The following MROH9 variants were observed in gnomAD, a reference collection of about 807,000 sequenced individuals.
MROH9 encodes maestro heat like repeat family member 9, also known as maestro heat-like repeat-containing protein family member 9.
In MROH9, 92 loss-of-function variants were observed where a neutral mutation model predicts 98.2. That is an observed-to-expected ratio of 0.94 (90% CI 0.79 to 1.11). The LOEUF is 1.11. Among genes scored for constraint, MROH9 ranks in the 50% most tolerant of loss-of-function variants. The pLI, the probability that MROH9 is intolerant of heterozygous loss-of-function variation, is 0.00. For synonymous variants in MROH9, 397 were observed against 368.9 expected (o/e 1.08, Z -0.87); for missense variants, 1,057 against 1,014.8 (o/e 1.04, Z -0.57).
intron 20 of MROH9, 127 bp from the exon 21 acceptor site, chr1:171,062,005 A>G (rs1026136915): frequency 3.2e-6 from 2 of 631,606 alleles, no homozygotes; most frequent in African/African-American, 1.9e-5. Context: ...AAAGTACTAA[A>G]AGATGACTCA....
chr1:171,004,667 T>C (rs1165867001), intron 15 of MROH9, among the ~76,000 whole-genome samples: 2 of 152,158 alleles, frequency 1.3e-5, no homozygotes, highest in East Asian at 1.9e-4. Flanking sequence ...CCTCTCAGGA[T>C]TGCTGGTTTG....
chr1:170,964,110 G>C (rs746325870), intron 6 of MROH9, among the ~76,000 whole-genome samples: 2 of 151,830 alleles, frequency 1.3e-5, no homozygotes, highest in African/African-American at 2.4e-5. Context: ...TGAATATGTG[G>C]GTTATCTCAT....
chr1:171,049,712 G>GTC (rs1200471734), intron 20 of MROH9, among the ~76,000 whole-genome samples: 1 of 149,574 alleles, frequency 6.7e-6, no homozygotes, highest in Non-Finnish European at 1.5e-5. Context: ...TTGAGACATG[G>GTC]TCTCCTCTGT....
At chr1:171,013,063 GGCCTTTGC>G in intron 15 of MROH9, among the ~76,000 whole-genome samples, 1 of 151,786 alleles carries the variant, frequency 6.6e-6, no homozygotes, top group Non-Finnish European at 1.5e-5. Flanking sequence ...TATTCCTCAG[GGCCTTTGC>G]ACATGGTTCA....
chr1:170,946,244 A>G (rs1288145710), intron 2 of MROH9, among the ~76,000 whole-genome samples: 1 of 152,010 alleles, frequency 6.6e-6, no homozygotes, highest in Non-Finnish European at 1.5e-5. Flanking sequence ...TCACTCTGTA[A>G]TATTTTTTCC....
Position 171,016,225 on chromosome 1 carries a change from T to C in MROH9, c.1797T>C (p.Asn599=). 6.5e-7 allele frequency: 1 copy of C among 1,540,862 alleles called. No homozygotes were observed. Residue 599 remains asparagine, a synonymous_variant, in exon 17 of 22, where the codon AAT becomes AAC. Transcript: ENST00000367759. ...ATGCCTTCCTTTCCAAAGACGATAA[T>C]GTTGTACTTCAGGCCTTGCTCACCC... The part of the protein sequence containing the change: ...ILDAFLSKDD[N]VVLQALLTLR...
intron 21 of MROH9, among the ~76,000 whole-genome samples, chr1:171,063,755 T>A (rs1654081725): frequency 6.6e-6 from 1 of 152,248 alleles, no homozygotes; most frequent in South Asian, 2.1e-4. Flanking sequence ...ACATTGAGAC[T>A]GATTTTAACT....
intron 17 of MROH9, 92 bp from the exon 18 acceptor site, chr1:171,024,303 G>GGT (rs3077629): frequency 0.48 from 322,069 of 665,040 alleles, 34,915 homozygotes; most frequent in East Asian, 0.55. Context: ...ATTTATATGG[G>GGT]GTGTGTGTGT....
intron 1 of MROH9, among the ~76,000 whole-genome samples, chr1:170,937,377 T>C (rs1306991903): frequency 6.6e-6 from 1 of 152,120 alleles, no homozygotes; most frequent in Non-Finnish European, 1.5e-5. Flanking sequence ...TTGTATTATG[T>C]GATAAGAGAA....
Position 170,959,526 on chromosome 1 carries a change from C to T in MROH9, c.217C>T (p.Leu73=), listed in dbSNP as rs1357504633. Residue 73 remains leucine (L), a synonymous_variant, in exon 5 of 22, where the codon CTA becomes TTA. Transcript: ENST00000367759. The stretch of plus-strand genomic sequence containing the variant: ...GATAATAGAGTCATCCTTTGGAATG[C>T]TAGTTGTCATGCCAAGTCTTGACAA... ...LKIIESSFGM[L]VVMPSLDKVK... The T allele has an allele frequency of 6.2e-7, 1 of 1,613,354 alleles. No individual in the cohort carries two copies. The highest frequency in any genetic ancestry group is 8.5e-7 in the Non-Finnish European group (1 of 1,179,514).
At chr1:171,041,348 T>TGC (rs1653292285) in intron 20 of MROH9, among the ~76,000 whole-genome samples, 1 of 4,880 alleles carries the variant, frequency 2.0e-4, no homozygotes, top group African/African-American at 3.4e-3. Flanking sequence ...TATTCCATGA[T>TGC]GTGTGTGTGT....
intron 1 of MROH9, among the ~76,000 whole-genome samples, chr1:170,936,436 T>C (rs1047754433): frequency 2.0e-5 from 3 of 152,192 alleles, no homozygotes; most frequent in African/African-American, 7.2e-5. Context: ...ATTCAGGCCC[T>C]CAATGGATTG....
chr1:171,044,591 C>A (rs555299792), intron 20 of MROH9, among the ~76,000 whole-genome samples: 115 of 152,222 alleles, frequency 7.6e-4, no homozygotes, highest in Middle Eastern at 3.4e-3. Context: ...CCATCAGGTT[C>A]TGGGCTTTTC....
In MROH9 at chr1:170,983,421, G is replaced by T. The variant is rs761520213; in HGVS notation, c.617-1G>T. The stretch of plus-strand genomic sequence containing the variant: ...TGAAACTCTTTTTCTTAACAAAGCA[G>T]ATATTGGAACAAATAAGCCTACAAA... On this transcript the variant is annotated splice_acceptor_variant, in intron 8 of 21. Transcript: ENST00000367759. LOFTEE classifies it high-confidence loss of function. 4.6e-5 allele frequency: 73 copies of T among 1,592,808 alleles called. No individual in the cohort carries two copies. The highest frequency in any genetic ancestry group is 6.1e-5 in the Non-Finnish European group (71 of 1,163,020).
intron 20 of MROH9, among the ~76,000 whole-genome samples, chr1:171,039,893 C>T (rs577546088): frequency 2.0e-5 from 3 of 152,166 alleles, no homozygotes; most frequent in Admixed American, 1.3e-4. Context: ...GTATCTTGAG[C>T]TTTACTGCCA....
Position 170,995,528 on chromosome 1 carries a change from C to T in MROH9, c.1334C>T (p.Ala445Val). 1 of 1,612,970 alleles carries T rather than the reference C, an allele frequency of 6.2e-7. No homozygotes were observed. The highest frequency in any genetic ancestry group is 8.5e-7 in the Non-Finnish European group (1 of 1,179,294). ...SELKPILKDR[A>V]LYAQDALRVL... ...CTGAAACCGATACTCAAGGACAGGG[C>T]TTTGTGAGTTAAAACTGGTTATTTC... The change falls in exon 13 of 22, where the codon GCT (alanine) becomes GTT (valine). Residue 445 changes from alanine (A) to valine (V), a missense_variant. By Grantham distance (64) the Ala-to-Val change is moderately conservative. Coordinates refer to ENST00000367759, the MANE Select transcript of MROH9 (RefSeq NM_001163629.2).
intron 13 of MROH9, among the ~76,000 whole-genome samples, chr1:170,996,171 T>A (rs1001214907): frequency 6.6e-6 from 1 of 152,162 alleles, no homozygotes; most frequent in African/African-American, 2.4e-5. Flanking sequence ...ATATATCCTA[T>A]TCATTTAATA....
At chr1:170,979,411 G>C (rs1344169409) in intron 8 of MROH9, among the ~76,000 whole-genome samples, 5 of 152,056 alleles carry the variant, frequency 3.3e-5, no homozygotes, top group Non-Finnish European at 5.9e-5. Flanking sequence ...AAGTTTCAAA[G>C]GCAATTTAAA....
At chr1:170,956,595 G>GTTTTTTTT (rs5778690) in intron 3 of MROH9, among the ~76,000 whole-genome samples, 1 of 104,608 alleles carries the variant, frequency 9.6e-6, no homozygotes, top group Non-Finnish European at 1.9e-5. Flanking sequence ...TTTTTTTTTT[G>GTTTTTTTT]TTTTTTTTTT....
Sources: gnomAD v4.1 joint callset for allele counts (sites outside exome capture counted in the v4.1 genomes callset) on GRCh38, gnomAD v4.1.1 for gene constraint, MANE v1.5 for transcripts, NCBI Gene and HGNC (gene_info 2026-07-23, HGNC 2026-07-21) for gene names.